Variants in CHN1 observed in about 807,000 individuals in gnomAD.
CHN1 encodes the protein chimerin 1.
A neutral mutation model predicts 59.5 loss-of-function variants in CHN1; 37 were observed. The observed-to-expected ratio is 0.62, with a 90% CI of 0.48 to 0.82. The LOEUF (loss-of-function observed/expected upper bound fraction) is 0.82, where lower values mean the gene tolerates loss of function less well. Ranked by LOEUF, CHN1 falls within the 40% of genes least tolerant of loss-of-function variation. CHN1 has a pLI of 0.00. For missense variants in CHN1, 469 were observed against 571.0 expected (o/e 0.82, Z 1.82); for synonymous variants, 206 against 200.4 (o/e 1.03, Z -0.24).
chr2:174,931,849 G>A (rs553689521), intron 3 of CHN1, among the ~76,000 whole-genome samples: 1 of 152,146 alleles, frequency 6.6e-6, no homozygotes, highest in Non-Finnish European at 1.5e-5. Flanking sequence ...AGAAGTCAGC[G>A]GGAGGGCTGA....
At chr2:174,884,192 C>T (rs1404252341) in intron 5 of CHN1, among the ~76,000 whole-genome samples, 4 of 151,740 alleles carry the variant, frequency 2.6e-5, no homozygotes, top group East Asian at 3.9e-4. Flanking sequence ...AGGATGGTCT[C>T]GATCTCCTGA....
intron 4 of CHN1, among the ~76,000 whole-genome samples, chr2:174,916,463 T>C (rs1295826253): frequency 5.9e-5 from 9 of 152,222 alleles, no homozygotes; most frequent in Non-Finnish European, 8.8e-5. Flanking sequence ...ATAACTGCAA[T>C]GACTCATTGC....
chr2:174,960,808 C>T lies in CHN1; in HGVS notation c.20-8606G>A, dbSNP rs116851618. Among the ~76,000 whole-genome samples, 414 of 151,286 alleles carry T rather than the reference C, an allele frequency of 2.7e-3. 26 individuals carry two copies. The East Asian group carries it at 0.077, about 28-fold the overall frequency. ...CTGTACTCTGACCTGGGCGACAGAG[C>T]GTGACTCCGTCTCAAAAAAAATGAA... On this transcript the variant is annotated intron_variant, in intron 1 of 12. Transcript: ENST00000409900.
At chr2:174,961,567 G>A (rs1690410458) in intron 1 of CHN1, among the ~76,000 whole-genome samples, 1 of 149,654 alleles carries the variant, frequency 6.7e-6, no homozygotes, top group South Asian at 2.1e-4. Flanking sequence ...CTCCAGCCTG[G>A]GCAAAAAGAG....
intron 7 of CHN1, among the ~76,000 whole-genome samples, chr2:174,833,608 T>C (rs896689544): frequency 2.2e-4 from 34 of 152,168 alleles, no homozygotes; most frequent in African/African-American, 7.7e-4. Flanking sequence ...CTTTTAATGG[T>C]GTGTTTGAGT....
In CHN1 at chr2:174,913,429, A is replaced by G. The variant is rs1218397881; in HGVS notation, c.260+1629T>C. ...GAATTATAATATGTTAGGAGTAGAAAGATGAAGAAACCAACTTCAAGAAAT... is the reference window on the plus strand; with the variant it reads ...GAATTATAATATGTTAGGAGTAGAAGGATGAAGAAACCAACTTCAAGAAAT... On this transcript the variant is annotated intron_variant, in intron 5 of 12. Coordinates refer to ENST00000409900, the MANE Select transcript of CHN1 (RefSeq NM_001822.7). Among the ~76,000 whole-genome samples the G allele has an allele frequency of 2.0e-5, 3 of 152,212 alleles. 1 individual carries two copies. The highest frequency in any genetic ancestry group is 2.0e-4 in the Admixed American group (3 of 15,290).
chr2:174,867,254 T>C (rs1687248256), intron 6 of CHN1, among the ~76,000 whole-genome samples: 1 of 151,864 alleles, frequency 6.6e-6, no homozygotes, highest in Admixed American at 6.6e-5. Context: ...TGCACGCCTA[T>C]AGTCCCAGCT....
Position 174,799,400 on chromosome 2 carries a change from T to A in CHN1, c.*716A>T, listed in dbSNP as rs1305165399. ...AAAAAAGTAAGCTATCAATATTTTT[T>A]ATTTCTAAAAGCCAATTTAATAAAT... is the stretch of plus-strand genomic sequence containing the variant. On this transcript the variant is annotated 3_prime_UTR_variant, in exon 13 of 13. Transcript: ENST00000409900. 1 of 437,536 alleles carries A rather than the reference T, an allele frequency of 2.3e-6. No individual in the cohort carries two copies. Among genetic ancestry groups the A allele is most frequent in the Non-Finnish European group, 4.3e-6 (1 of 230,600 alleles). 27.1% of individuals were successfully genotyped at this position (437,536 alleles called of 1,614,324 possible). A position where few individuals can be genotyped will look rare whatever the true frequency, so the allele number is the denominator to read the frequency against.
chr2:174,947,463 T>C (rs1182594810), intron 2 of CHN1, among the ~76,000 whole-genome samples: 2 of 151,734 alleles, frequency 1.3e-5, no homozygotes, highest in Non-Finnish European at 2.9e-5. Context: ...AGTTAATCTA[T>C]CTTTAAGACT....
At position 175,004,935 on chromosome 2, in the gene CHN1, C is replaced by G. The variant is rs1252265676; in HGVS notation, c.-23G>C. 7 of 1,530,458 alleles carry G rather than the reference C, an allele frequency of 4.6e-6. No individual in the cohort carries two copies. The highest frequency in any genetic ancestry group is 2.0e-4 in the Middle Eastern group (1 of 4,922). 94.8% of individuals were successfully genotyped at this position (1,530,458 alleles called of 1,614,324 possible). ...CATTGTAAAGGCGCTCGCCGCCGCC[C>G]GCGAGTCCAGGCGCTCCTCCCAGGC... On this transcript the variant is annotated 5_prime_UTR_variant, in exon 1 of 13. Coordinates refer to ENST00000409900, the MANE Select transcript of CHN1 (RefSeq NM_001822.7).
chr2:174,829,262 T>C (rs1267285794), intron 7 of CHN1, among the ~76,000 whole-genome samples: 2 of 152,176 alleles, frequency 1.3e-5, no homozygotes, highest in Non-Finnish European at 2.9e-5. Flanking sequence ...AGTACAGTCT[T>C]ATCAGTGAAG....
intron 3 of CHN1, among the ~76,000 whole-genome samples, chr2:174,928,852 T>C (rs1442549108): frequency 6.6e-6 from 1 of 152,188 alleles, no homozygotes; most frequent in Non-Finnish European, 1.5e-5. Flanking sequence ...AAAATATCAA[T>C]ATGGTAATAG....
chr2:174,933,040 A>G (rs1267754061), intron 3 of CHN1, among the ~76,000 whole-genome samples: 1 of 152,208 alleles, frequency 6.6e-6, no homozygotes, highest in African/African-American at 2.4e-5. Flanking sequence ...ACTGCCATCA[A>G]TTGAGATCTG....
At chr2:174,979,530 T>C (rs1034403313) in intron 1 of CHN1, among the ~76,000 whole-genome samples, 1 of 152,096 alleles carries the variant, frequency 6.6e-6, no homozygotes, top group African/African-American at 2.4e-5. Flanking sequence ...AAGATGTACA[T>C]AGGGCTGGGC....
rs1306046583 is a variant in CHN1 at position 175,005,178 on chromosome 2, C to T, written c.-266G>A. ...GCCGGCACTTGTCGCTGCCATCAGGCGCGGAGCGTGCGCGCGGGAGGAGGT... is the reference window on the plus strand; with the variant it reads ...GCCGGCACTTGTCGCTGCCATCAGGTGCGGAGCGTGCGCGCGGGAGGAGGT... On this transcript the variant is annotated 5_prime_UTR_variant, in exon 1 of 13. Coordinates refer to ENST00000409900, the MANE Select transcript of CHN1 (RefSeq NM_001822.7). 4 of 1,265,998 alleles carry T rather than the reference C, an allele frequency of 3.2e-6. No individual in the cohort carries two copies. The highest frequency in any genetic ancestry group is 4.0e-6 in the Non-Finnish European group (4 of 1,004,156). 78.4% of individuals were successfully genotyped at this position (1,265,998 alleles called of 1,614,324 possible). A position where few individuals can be genotyped will look rare whatever the true frequency, so the allele number is the denominator to read the frequency against.
intron 6 of CHN1, among the ~76,000 whole-genome samples, chr2:174,867,873 T>C (rs1230018291): frequency 1.3e-5 from 2 of 152,304 alleles, no homozygotes; most frequent in South Asian, 4.1e-4. Context: ...TATCTGTCAA[T>C]AGTGTGACCT....
intron 5 of CHN1, among the ~76,000 whole-genome samples, chr2:174,896,653 C>G (rs2105351990): frequency 6.6e-6 from 1 of 152,210 alleles, no homozygotes; most frequent in East Asian, 1.9e-4. Flanking sequence ...ACAGACAGCA[C>G]TACACAGAAG....
chr2:174,820,387 T>A (rs1172841470), intron 8 of CHN1, among the ~76,000 whole-genome samples: 2 of 152,190 alleles, frequency 1.3e-5, no homozygotes, highest in East Asian at 1.9e-4. Context: ...GGTATCTCAT[T>A]GTGGTTTTGA....
At chr2:175,004,799 GC>G (rs1415364102) in intron 1 of CHN1, 94 bp downstream of exon 1, 8 of 665,104 alleles carry the variant, frequency 1.2e-5, no homozygotes, top group African/African-American at 1.2e-4. Flanking sequence ...CACGCGCCGC[GC>G]CCCCTCCCCG....
Sources: allele counts gnomAD v4.1 joint callset (sites outside exome capture counted in the v4.1 genomes callset), GRCh38; gene constraint gnomAD v4.1.1; transcripts MANE v1.5; gene names NCBI Gene and HGNC (gene_info 2026-07-23, HGNC 2026-07-21).